Variants in GZMK observed in about 807,000 individuals in gnomAD.
GZMK encodes the protein NK-Tryp-2.
In GZMK, 18 loss-of-function variants were observed where a neutral mutation model predicts 22.8. The ratio of observed to expected loss-of-function variants is 0.79; its 90% CI spans 0.54 to 1.17. The LOEUF is 1.17. Among genes scored for constraint, GZMK ranks in the 50% most tolerant of loss-of-function variants. The pLI is 0.00. For missense variants in GZMK, 342 were observed against 320.2 expected (o/e 1.07, Z -0.52); for synonymous variants, 136 against 115.0 (o/e 1.18, Z -1.17).
At chr5:55,028,743 T>C (rs999647171) in intron 2 of GZMK, among the ~76,000 whole-genome samples, 12 of 152,210 alleles carry the variant, frequency 7.9e-5, no homozygotes, top group African/African-American at 2.7e-4. Context: ...AGATCTGAGG[T>C]GGACTTCATA....
At position 55,034,095 on chromosome 5, in the gene GZMK, C is replaced by T; in HGVS notation, c.*169C>T. 1.8e-6 allele frequency: 1 copy of T among 546,084 alleles called. No homozygotes were observed. 33.8% of individuals were successfully genotyped at this position (546,084 alleles called of 1,614,324 possible). A position where few individuals can be genotyped will look rare whatever the true frequency, so the allele number is the denominator to read the frequency against. ...CACTTGTATCACTGATGTATTTCTA[C>T]CATGCTGGTTTTATTCTAAATAAAA... On this transcript the variant is annotated 3_prime_UTR_variant, in exon 5 of 5. Coordinates refer to ENST00000231009, the MANE Select transcript of GZMK (RefSeq NM_002104.3).
At chr5:55,026,752 T>G (rs1262034503) in intron 2 of GZMK, 1 of 152,172 alleles carries the variant, frequency 6.6e-6, no homozygotes, top group African/African-American at 2.4e-5. Context: ...CTGGCCCCTT[T>G]ATTAGTTGCC....
At chr5:55,026,410 G>C (rs3776036) in intron 2 of GZMK, among the ~76,000 whole-genome samples, 43,417 of 145,336 alleles carry the variant, frequency 0.3, 7,338 homozygotes, top group African/African-American at 0.5. Flanking sequence ...GGAGTTTTTT[G>C]TGTTTTGTTT....
intron 3 of GZMK, 75 bp from the exon 4 acceptor site, chr5:55,031,289 C>T: frequency 7.9e-7 from 1 of 1,263,982 alleles, no homozygotes; most frequent in Non-Finnish European, 1.1e-6. Flanking sequence ...ACAGAGGGAC[C>T]ACACATACGA....
chr5:55,024,387 G>GT lies in GZMK; in HGVS notation c.64+2dup. ...GTTGGGGCTTATATGACTCATGTGT[G>GT]TAAGTATCTCCTATATCTACATGTA... On this transcript the variant is annotated splice_donor_variant, in intron 1 of 4. Coordinates refer to ENST00000231009, the MANE Select transcript of GZMK (RefSeq NM_002104.3). LOFTEE classifies it high-confidence loss of function. 7.5e-7 allele frequency: 1 copy of GT among 1,338,280 alleles called. No homozygotes were observed. The highest frequency in any genetic ancestry group is 1.1e-6 in the Non-Finnish European group (1 of 931,260). The allele number at this position is 1,338,280 out of a possible 1,614,324, so 82.9% of individuals were successfully genotyped here.
In GZMK at chr5:55,030,567, G is replaced by T; in HGVS notation, c.346G>T (p.Asp116Tyr). The T allele has an allele frequency of 6.2e-7, 1 of 1,612,314 alleles. No homozygotes were observed. Among genetic ancestry groups the T allele is most frequent in the Non-Finnish European group, 8.5e-7 (1 of 1,178,380 alleles). ...SRVTSDPQSN[D>Y]IMLVKLQTAA... ...AGTTACATCAGATCCTCAATCAAAT[G>T]ATATCATGCTGGTTAAGGTAGGTAG... Residue 116 changes from aspartate (D) to tyrosine (Y), a missense_variant, in exon 3 of 5, where the codon GAT (aspartate) becomes TAT (tyrosine). Coordinates refer to ENST00000231009, the MANE Select transcript of GZMK (RefSeq NM_002104.3).
At position 55,034,186 on chromosome 5, in the gene GZMK, C is replaced by T. The variant is rs143791935; in HGVS notation, c.*260C>T. 1.0e-4 allele frequency: 39 copies of T among 380,440 alleles called. No homozygotes were observed. Among genetic ancestry groups the T allele is most frequent in the African/African-American group, 6.8e-4 (33 of 48,310 alleles). 23.6% of individuals were successfully genotyped at this position (380,440 alleles called of 1,614,324 possible). On this transcript the variant is annotated 3_prime_UTR_variant, in exon 5 of 5. Transcript: ENST00000231009. Reference sequence around the variant, plus strand: ...TATCTGCCCCCATTGCACCCACACTCGCCAAAGGGCAATAAGGTCACTGAA... The same window carrying T: ...TATCTGCCCCCATTGCACCCACACTTGCCAAAGGGCAATAAGGTCACTGAA...
rs145184473 is a variant in GZMK, at chr5:55,031,301, G to A, written c.364-63G>A. The A allele has an allele frequency of 9.9e-4, 1,388 of 1,404,566 alleles. 14 individuals carry two copies. In the African/African-American group the frequency reaches 0.017, roughly 17 times the overall value. The allele number at this position is 1,404,566 out of a possible 1,614,324, so 87.0% of individuals were successfully genotyped here. A position where few individuals can be genotyped will look rare whatever the true frequency, so the allele number is the denominator to read the frequency against. ...AAGACAGAGGGACCACACATACGAC[G>A]CACAGGCTAGCATCAGAATACTACT... On this transcript the variant is annotated intron_variant, in intron 3 of 4. Transcript: ENST00000231009.
At position 55,033,837 on chromosome 5, in the gene GZMK, G is replaced by T; in HGVS notation, c.706G>T (p.Val236Phe). 2 of 1,613,536 alleles carry T rather than the reference G, an allele frequency of 1.2e-6. No individual in the cohort carries two copies. The highest frequency in any genetic ancestry group is 1.7e-6 in the Non-Finnish European group (2 of 1,179,474). The change falls in exon 5 of 5, where the codon GTT becomes TTT. Residue 236 changes from valine (V) to phenylalanine (F), a missense_variant. Transcript: ENST00000231009. ...AIVSGGHECG[V>F]ATKPGIYTLL... ...AGTCTCTGGAGGTCATGAATGTGGTGTTGCCACAAAGCCTGGAATCTACAC... is the reference window on the plus strand; with the variant it reads ...AGTCTCTGGAGGTCATGAATGTGGTTTTGCCACAAAGCCTGGAATCTACAC...
chr5:55,024,765 T>C lies in GZMK; in HGVS notation c.170T>C (p.Ile57Thr), dbSNP rs2111603519. 3 of 1,611,662 alleles carry C rather than the reference T, an allele frequency of 1.9e-6. No individual in the cohort carries two copies. The highest frequency in any genetic ancestry group is 1.7e-4 in the Middle Eastern group (1 of 6,054). The change falls in exon 2 of 5, where the codon ATT becomes ACT. Residue 57 changes from isoleucine to threonine, a missense_variant. By Grantham distance (89) the Ile-to-Thr change is moderately conservative. Coordinates refer to ENST00000231009, the MANE Select transcript of GZMK (RefSeq NM_002104.3). ...GGHHVCGGVL[I>T]DPQWVLTAAH... ...CATCACGTTTGTGGAGGTGTTCTGATTGATCCACAGTGGGTGCTGACAGCA... is the reference window on the plus strand; with the variant it reads ...CATCACGTTTGTGGAGGTGTTCTGACTGATCCACAGTGGGTGCTGACAGCA...
chr5:55,031,489 A>G lies in GZMK; in HGVS notation c.489A>G (p.Arg163=). The part of the protein sequence containing the change: ...GWGATDPDSL[R]PSDTLREVTV... The stretch of plus-strand genomic sequence containing the variant: ...GAGCCACCGATCCAGATTCATTAAG[A>G]CCTTCTGACACCCTGCGAGAAGTCA... Residue 163 remains arginine, a synonymous_variant, in exon 4 of 5, where the codon AGA becomes AGG. Transcript: ENST00000231009. 6.2e-7 allele frequency: 1 copy of G among 1,614,188 alleles called. No homozygotes were observed.
In GZMK at chr5:55,034,020, G is replaced by T; in HGVS notation, c.*94G>T. On this transcript the variant is annotated 3_prime_UTR_variant, in exon 5 of 5. Transcript: ENST00000231009. ...GTAAGTAAAGCAGAGCACATATGGG[G>T]TCCATTTTTGCACTTGTAAGTCATT... The T allele has an allele frequency of 1.2e-6, 1 of 844,968 alleles. No homozygotes were observed. The highest frequency in any genetic ancestry group is 1.7e-5 in the African/African-American group (1 of 57,950). 52.3% of individuals were successfully genotyped at this position (844,968 alleles called of 1,614,324 possible).
chr5:55,026,422 T>G (rs1741144912), intron 2 of GZMK, among the ~76,000 whole-genome samples: 1 of 151,596 alleles, frequency 6.6e-6, no homozygotes, highest in Non-Finnish European at 1.5e-5. Context: ...GTTTTGTTTT[T>G]TTTTTCTTAA....
chr5:55,027,163 G>A (rs1249554885), intron 2 of GZMK, among the ~76,000 whole-genome samples: 1 of 152,124 alleles, frequency 6.6e-6, no homozygotes, highest in African/African-American at 2.4e-5. Flanking sequence ...ATCTCACCAC[G>A]CTGTTGTGCG....
Position 55,033,880 on chromosome 5 carries a change from A to G in GZMK, c.749A>G (p.Tyr250Cys). The G allele has an allele frequency of 6.2e-7, 1 of 1,613,632 alleles. No homozygotes were observed. ...ATCTACACCCTGTTAACCAAGAAATACCAGACTTGGATCAAAAGCAACCTT... is the reference window on the plus strand; with the variant it reads ...ATCTACACCCTGTTAACCAAGAAATGCCAGACTTGGATCAAAAGCAACCTT... ...PGIYTLLTKK[Y>C]QTWIKSNLVP... Residue 250 changes from tyrosine to cysteine, a missense_variant, in exon 5 of 5, where the codon TAC becomes TGC. Coordinates refer to ENST00000231009, the MANE Select transcript of GZMK (RefSeq NM_002104.3).
chr5:55,028,740 AG>A (rs1370159788), intron 2 of GZMK, among the ~76,000 whole-genome samples: 1 of 152,234 alleles, frequency 6.6e-6, no homozygotes. Context: ...AAAAGATCTG[AG>A]GTGGACTTCA....
chr5:55,032,280 C>T (rs1225033002), intron 4 of GZMK, among the ~76,000 whole-genome samples: 1 of 152,146 alleles, frequency 6.6e-6, no homozygotes, highest in Non-Finnish European at 1.5e-5. Flanking sequence ...TCTTAGGCCT[C>T]TTTAATAAGG....
At chr5:55,031,036 C>T (rs557758266) in intron 3 of GZMK, among the ~76,000 whole-genome samples, 9 of 152,306 alleles carry the variant, frequency 5.9e-5, no homozygotes, top group East Asian at 1.9e-4. Context: ...GGGTCCTATC[C>T]GGCAGGAAGC....
intron 3 of GZMK, 53 bp downstream of exon 3, chr5:55,030,637 G>A (rs1424279757): frequency 1.4e-6 from 2 of 1,382,002 alleles, no homozygotes; most frequent in Admixed American, 1.8e-5. Context: ...TATACAGGAT[G>A]GCTCAATTAG....
Sources: allele counts gnomAD v4.1 joint callset (sites outside exome capture counted in the v4.1 genomes callset), GRCh38; gene constraint gnomAD v4.1.1; transcripts MANE v1.5; gene names NCBI Gene and HGNC (gene_info 2026-07-23, HGNC 2026-07-21).